The following VEPH1 variants were observed in gnomAD, a reference collection of about 807,000 sequenced individuals.
The protein encoded by VEPH1 is ventricular zone-expressed PH domain-containing protein homolog 1.
A neutral mutation model predicts 85.2 loss-of-function variants in VEPH1; 80 were observed. That is an observed-to-expected ratio of 0.94 (90% CI 0.78 to 1.13). VEPH1 has a LOEUF of 1.13. VEPH1 is among the 50% of genes most tolerant of loss of function. The pLI, the probability that VEPH1 is intolerant of heterozygous loss-of-function variation, is 0.00. For synonymous variants in VEPH1, 297 were observed against 348.0 expected, an observed-to-expected ratio of 0.85 and a Z score of 1.63; for missense variants, 955 against 980.5, an observed-to-expected ratio of 0.97 and a Z score of 0.35.
intron 6 of VEPH1, among the ~76,000 whole-genome samples, chr3:157,390,969 G>C (rs1310443191): frequency 1.3e-5 from 2 of 152,356 alleles, no homozygotes; most frequent in African/African-American, 4.8e-5. Context: ...AGCGGAAGCT[G>C]CTTGAGGCAT....
chr3:157,500,124 T>G (rs1739985801), intron 1 of VEPH1, among the ~76,000 whole-genome samples: 1 of 152,176 alleles, frequency 6.6e-6, no homozygotes, highest in South Asian at 2.1e-4. Flanking sequence ...AATATTGGAT[T>G]TGTACTTTTA....
chr3:157,281,513 C>T (rs1325285880), intron 12 of VEPH1, among the ~76,000 whole-genome samples: 3 of 151,964 alleles, frequency 2.0e-5, no homozygotes, highest in Admixed American at 6.6e-5. Context: ...ACAATGCTAG[C>T]CACCACATAC....
intron 9 of VEPH1, among the ~76,000 whole-genome samples, chr3:157,343,909 A>G (rs1723897017): frequency 6.6e-6 from 1 of 152,234 alleles, no homozygotes; most frequent in East Asian, 1.9e-4. Context: ...GAATATAAAC[A>G]GAACCAATGA....
intron 3 of VEPH1, among the ~76,000 whole-genome samples, chr3:157,469,255 C>T (rs932592181): frequency 1.1e-4 from 16 of 152,120 alleles, no homozygotes; most frequent in African/African-American, 3.1e-4. Context: ...GTCTTTTGTT[C>T]AGTTGATCAA....
intron 11 of VEPH1, among the ~76,000 whole-genome samples, chr3:157,299,517 G>A (rs1296471806): frequency 6.9e-6 from 1 of 145,524 alleles, no homozygotes; most frequent in African/African-American, 2.6e-5. Flanking sequence ...ACATCATTGT[G>A]CTACTGCAGT....
At chr3:157,416,085 A>G (rs998984940) in intron 5 of VEPH1, among the ~76,000 whole-genome samples, 6 of 152,146 alleles carry the variant, frequency 3.9e-5, no homozygotes, top group African/African-American at 1.4e-4. Context: ...ACTATTGGAT[A>G]CCTAATGCCT....
At position 157,397,893 on chromosome 3, in the gene VEPH1, T is replaced by C. The variant is rs144562268; in HGVS notation, c.906+15988A>G. 3.0e-3 allele frequency among the ~76,000 whole-genome samples: 455 copies of C among 152,308 alleles called. 8 individuals are homozygous for C. The East Asian group carries it at 0.044, about 15-fold the overall frequency. On this transcript the variant is annotated intron_variant, in intron 6 of 13. Coordinates refer to ENST00000362010, the MANE Select transcript of VEPH1 (RefSeq NM_001167912.2). ...TTGAAGTTCTCCCCACTGGGAAGATTTTCCTTTACCACTGTCCTTCAGGCA... is the reference window on the plus strand; with the variant it reads ...TTGAAGTTCTCCCCACTGGGAAGATCTTCCTTTACCACTGTCCTTCAGGCA...
chr3:157,332,932 A>G (rs1288741801), intron 9 of VEPH1, among the ~76,000 whole-genome samples: 2 of 152,188 alleles, frequency 1.3e-5, no homozygotes, highest in African/African-American at 4.8e-5. Context: ...TCACTTTTCC[A>G]GTCACCTGAT....
At chr3:157,426,048 G>A (rs1210613165) in intron 5 of VEPH1, among the ~76,000 whole-genome samples, 1 of 152,162 alleles carries the variant, frequency 6.6e-6, no homozygotes, top group African/African-American at 2.4e-5. Flanking sequence ...CTGCCACCAT[G>A]TAAGGAGTGC....
chr3:157,267,797 A>G (rs530566743), intron 12 of VEPH1, among the ~76,000 whole-genome samples: 2 of 152,212 alleles, frequency 1.3e-5, no homozygotes, highest in Non-Finnish European at 2.9e-5. Flanking sequence ...AAACACTGAA[A>G]ATACATATCA....
At chr3:157,273,684 T>C (rs1228226244) in intron 12 of VEPH1, among the ~76,000 whole-genome samples, 2 of 152,046 alleles carry the variant, frequency 1.3e-5, no homozygotes, top group African/African-American at 4.8e-5. Context: ...GAGAGACCAA[T>C]CCTAAAGAGC....
At chr3:157,345,002 C>A (rs910292731) in intron 9 of VEPH1, among the ~76,000 whole-genome samples, 8 of 152,196 alleles carry the variant, frequency 5.3e-5, no homozygotes, top group African/African-American at 1.7e-4. Context: ...GGATCCCTTC[C>A]TTACATCTTA....
At chr3:157,454,897 C>T (rs1334636158) in intron 4 of VEPH1, among the ~76,000 whole-genome samples, 2 of 152,202 alleles carry the variant, frequency 1.3e-5, no homozygotes, top group South Asian at 2.1e-4. Flanking sequence ...CTAGCTGCAT[C>T]CACGTTGCTG....
chr3:157,361,703 C>A lies in VEPH1; in HGVS notation c.1735+1661G>T, dbSNP rs147747659. 2.8e-3 allele frequency among the ~76,000 whole-genome samples: 426 copies of A among 152,296 alleles called. 5 individuals are homozygous for A. The East Asian group carries it at 0.043, about 16-fold the overall frequency. On this transcript the variant is annotated intron_variant, in intron 9 of 13. Transcript: ENST00000362010. The stretch of plus-strand genomic sequence containing the variant: ...TGCCTTAAAGCTATCCAGACTTGTT[C>A]AACCCACTACTAGAAAAGTGAGTCT...
chr3:157,343,454 A>G (rs1723828011), intron 9 of VEPH1, among the ~76,000 whole-genome samples: 1 of 152,224 alleles, frequency 6.6e-6, no homozygotes, highest in South Asian at 2.1e-4. Flanking sequence ...CTGGACACAT[A>G]CACCCTCCCA....
rs1559941201 is a variant in VEPH1 at position 157,305,071 on chromosome 3, C to CTAT, written c.2010+8549_2010+8550insATA. ...ATCTATCTATCTATCTATCTATCTT[C>CTAT]CTATCTCTCTATTTCATCTATCTAT... On this transcript the variant is annotated intron_variant, in intron 11 of 13. Coordinates refer to ENST00000362010, the MANE Select transcript of VEPH1 (RefSeq NM_001167912.2). Among the ~76,000 whole-genome samples the CTAT allele has an allele frequency of 2.1e-4, 8 of 37,572 alleles. No homozygotes were observed. In the East Asian group the frequency reaches 0.012, roughly 55 times the overall value. 24.6% of individuals were successfully genotyped at this position (37,572 alleles called of 152,430 possible).
chr3:157,307,708 G>T (rs534236752), intron 11 of VEPH1, among the ~76,000 whole-genome samples: 5 of 151,810 alleles, frequency 3.3e-5, no homozygotes, highest in Admixed American at 6.6e-5. Flanking sequence ...CTAAATTTAG[G>T]ACCAGTTTGT....
intron 4 of VEPH1, chr3:157,443,052 A>C (rs1198668281): frequency 6.6e-7 from 1 of 1,509,600 alleles, no homozygotes; most frequent in Admixed American, 2.2e-5. Context: ...GGAAGGTCTG[A>C]AAACTCAGTG....
intron 4 of VEPH1, chr3:157,437,966 C>A: frequency 6.6e-7 from 1 of 1,508,924 alleles, no homozygotes; most frequent in South Asian, 1.2e-5. Context: ...GTTCCGGGAG[C>A]GCGCGTAACG....
Sources: allele counts gnomAD v4.1 joint callset (sites outside exome capture counted in the v4.1 genomes callset), GRCh38; gene constraint gnomAD v4.1.1; transcripts MANE v1.5; gene names NCBI Gene and HGNC (gene_info 2026-07-23, HGNC 2026-07-21).